KIRREL3: variants seen among roughly 807,000 people sequenced by gnomAD.
KIRREL3 encodes the protein kirre like nephrin family adhesion molecule 3, also known as kin of IRRE-like protein 3.
KIRREL3 carries 36 observed loss-of-function variants against 89.7 expected under a neutral mutation model. That is an observed-to-expected ratio of 0.40 (90% CI 0.31 to 0.53). The LOEUF is 0.53. Among genes scored for constraint, KIRREL3 ranks in the 20% least tolerant of loss-of-function variants. KIRREL3 has a pLI of 0.49. For synonymous variants in KIRREL3, 445 were observed against 441.4 expected (o/e 1.01, Z -0.10); for missense variants, 864 against 1,056.6 (o/e 0.82, Z 2.53).
chr11:126,872,400 T>C lies in KIRREL3; in HGVS notation c.55+128055A>G, dbSNP rs1288583680. 6.6e-6 allele frequency among the ~76,000 whole-genome samples: 1 copy of C among 152,190 alleles called. No individual in the cohort carries two copies. The highest frequency in any genetic ancestry group is 2.4e-5 in the African/African-American group (1 of 41,458). On this transcript the variant is annotated intron_variant, in intron 1 of 16. Coordinates refer to ENST00000525144, the MANE Select transcript of KIRREL3 (RefSeq NM_032531.4). This position sits in a 1 kb window ranked among gnomAD's most constrained non-coding sequence, Gnocchi z 4.2. ...CTATTCTGGGCATGGGCACGGGGCT[T>C]ATGGGGTAGCCCTGCTCAGCAAGGA...
rs1322977400 is a variant in KIRREL3, at chr11:126,520,273, G to T, written c.433+1042C>A. Among the ~76,000 whole-genome samples, 5 of 152,220 alleles carry T rather than the reference G, an allele frequency of 3.3e-5. No homozygotes were observed. Among genetic ancestry groups the T allele is most frequent in the African/African-American group, 9.6e-5 (4 of 41,472 alleles). On this transcript the variant is annotated intron_variant, in intron 4 of 16. Transcript: ENST00000525144. This position sits in a 1 kb window ranked among gnomAD's most constrained non-coding sequence, Gnocchi z 4.9. ...GAACCTTCACAACAGCTGCTAAGGG[G>T]TGGGCCTGGGCTTTCCCACTTCCCT...
intron 1 of KIRREL3, among the ~76,000 whole-genome samples, chr11:126,846,870 T>C (rs1180716751): frequency 6.6e-6 from 1 of 152,154 alleles, no homozygotes; most frequent in Non-Finnish European, 1.5e-5. Flanking sequence ...AAATTAGTCT[T>C]GTAAAAAAAT....
rs908741332 is a variant in KIRREL3, at chr11:126,944,933, T to C, written c.55+55522A>G. On this transcript the variant is annotated intron_variant, in intron 1 of 16. Transcript: ENST00000525144. The stretch of plus-strand genomic sequence containing the variant: ...TCCACTTGCCTTTCATTCAGGACCC[T>C]AATGAAGAGGTTTATCTGATTGGTT... 2.6e-5 allele frequency: 4 copies of C among 152,240 alleles called. 1 individual carries two copies. Among genetic ancestry groups the C allele is most frequent in the Admixed American group, 2.6e-4 (4 of 15,282 alleles). 9.4% of individuals were successfully genotyped at this position (152,240 alleles called of 1,614,324 possible).
intron 5 of KIRREL3, among the ~76,000 whole-genome samples, chr11:126,464,456 G>T (rs751635744): frequency 3.3e-5 from 5 of 152,044 alleles, no homozygotes. Context: ...ACTTGATCCC[G>T]GAAGGTTGAG....
intron 1 of KIRREL3, among the ~76,000 whole-genome samples, chr11:126,633,356 GAAAC>G (rs1204273551): frequency 1.3e-5 from 2 of 152,024 alleles, no homozygotes; most frequent in South Asian, 4.2e-4. Context: ...GAAATAAAGA[GAAAC>G]AAACAAACAA....
intron 1 of KIRREL3, among the ~76,000 whole-genome samples, chr11:126,868,330 G>A (rs571606471): frequency 2.6e-4 from 40 of 152,286 alleles, no homozygotes; most frequent in African/African-American, 7.2e-4. Context: ...GGATAAGGGC[G>A]TTAGAGGACC....
chr11:126,797,378 G>A lies in KIRREL3; in HGVS notation c.55+203077C>T, dbSNP rs1485319386. 6.6e-6 allele frequency among the ~76,000 whole-genome samples: 1 copy of A among 152,160 alleles called. No individual in the cohort carries two copies. Among genetic ancestry groups the A allele is most frequent in the Non-Finnish European group, 1.5e-5 (1 of 68,032 alleles). ...TATCTGGCACAGAGAAGCACTGGAT[G>A]CTGATAGTTTTGGTGGCGCGGCTGT... On this transcript the variant is annotated intron_variant, in intron 1 of 16. Transcript: ENST00000525144. This position sits in a 1 kb window ranked among gnomAD's most constrained non-coding sequence, Gnocchi z 4.9.
At chr11:126,980,134 T>A (rs1475946868) in intron 1 of KIRREL3, among the ~76,000 whole-genome samples, 2 of 152,194 alleles carry the variant, frequency 1.3e-5, no homozygotes, top group African/African-American at 4.8e-5. Flanking sequence ...AGCCAAGCCT[T>A]GAAATATGAA....
rs2134891473 is a variant in KIRREL3, at chr11:126,909,109, A to G, written c.55+91346T>C. ...TCTCTGAAGGTGCAGAACCCAGGCG[A>G]CACAGGGGGCCAACTGTAATTGCAA... On this transcript the variant is annotated intron_variant, in intron 1 of 16. Transcript: ENST00000525144. The surrounding 1 kb of genome is among the most constrained non-coding windows in gnomAD (Gnocchi z 4.5). 6.6e-6 allele frequency among the ~76,000 whole-genome samples: 1 copy of G among 152,220 alleles called. No individual in the cohort carries two copies. The highest frequency in any genetic ancestry group is 2.1e-4 in the South Asian group (1 of 4,812).
At position 126,739,453 on chromosome 11, in the gene KIRREL3, G is replaced by A. The variant is rs1200217620; in HGVS notation, c.56-176541C>T. On this transcript the variant is annotated intron_variant, in intron 1 of 16. Coordinates refer to ENST00000525144, the MANE Select transcript of KIRREL3 (RefSeq NM_032531.4). The surrounding 1 kb of genome is among the most constrained non-coding windows in gnomAD (Gnocchi z 5.5). ...CTGGGTAAAGCAAAACAGCTCTTGAGTAGTATTTGCTCTGTCAGTCAGTGT... is the reference window on the plus strand; with the variant it reads ...CTGGGTAAAGCAAAACAGCTCTTGAATAGTATTTGCTCTGTCAGTCAGTGT... Among the ~76,000 whole-genome samples the A allele has an allele frequency of 1.3e-5, 2 of 152,350 alleles. No homozygotes were observed. The highest frequency in any genetic ancestry group is 2.1e-4 in the South Asian group (1 of 4,824).
chr11:126,436,436 G>A (rs796743502), intron 12 of KIRREL3, among the ~76,000 whole-genome samples: 2 of 152,256 alleles, frequency 1.3e-5, no homozygotes, highest in South Asian at 4.1e-4. Context: ...ACACTTTGGT[G>A]TCAGACCAGG....
chr11:126,937,338 G>A (rs6590236), intron 1 of KIRREL3, among the ~76,000 whole-genome samples: 68,920 of 152,046 alleles, frequency 0.45, 16,306 homozygotes, highest in East Asian at 0.69. Flanking sequence ...GGCTTGGATA[G>A]GGATAATAAC....
At chr11:126,559,370 A>G (rs1939941264) in intron 2 of KIRREL3, among the ~76,000 whole-genome samples, 1 of 152,210 alleles carries the variant, frequency 6.6e-6, no homozygotes, top group African/African-American at 2.4e-5. Flanking sequence ...ACTACTCCCT[A>G]TGTGCAAGAC....
chr11:126,424,359 CTCTG>C lies in KIRREL3; in HGVS notation c.*217_*220del, dbSNP rs1954843944. ...TAAGCACAGCGCACTCAGCCGCAGCCTCTGTCTGTCTCCCCACCCGCCCACCTCT... is the reference window on the plus strand; with the variant it reads ...TAAGCACAGCGCACTCAGCCGCAGCCTCTGTCTCCCCACCCGCCCACCTCT... On this transcript the variant is annotated 3_prime_UTR_variant, in exon 17 of 17. Coordinates refer to ENST00000525144, the MANE Select transcript of KIRREL3 (RefSeq NM_032531.4). 2 of 566,432 alleles carry C rather than the reference CTCTG, an allele frequency of 3.5e-6. No individual in the cohort carries two copies. The highest frequency in any genetic ancestry group is 4.0e-5 in the South Asian group (2 of 49,662). 35.1% of individuals were successfully genotyped at this position (566,432 alleles called of 1,614,324 possible).
At chr11:126,626,488 C>T (rs1005558090) in intron 1 of KIRREL3, among the ~76,000 whole-genome samples, 1 of 152,206 alleles carries the variant, frequency 6.6e-6, no homozygotes, top group Non-Finnish European at 1.5e-5. Context: ...GTCTGGAGGG[C>T]TCCATTGTGC....
intron 1 of KIRREL3, among the ~76,000 whole-genome samples, chr11:126,660,593 A>G (rs967274527): frequency 6.8e-6 from 1 of 148,146 alleles, no homozygotes; most frequent in Non-Finnish European, 1.5e-5. Flanking sequence ...TGAGAGAGCC[A>G]AGTAAATGGC....
chr11:126,442,998 G>A (rs141930445), intron 10 of KIRREL3, among the ~76,000 whole-genome samples: 3 of 152,290 alleles, frequency 2.0e-5, no homozygotes, highest in East Asian at 1.9e-4. Context: ...TGCCCTCCCC[G>A]TCCAAGAGAA....
At chr11:126,967,435 C>T (rs1034305774) in intron 1 of KIRREL3, among the ~76,000 whole-genome samples, 1 of 152,160 alleles carries the variant, frequency 6.6e-6, no homozygotes, top group African/African-American at 2.4e-5. Flanking sequence ...GGCCTCCAAA[C>T]TGCAGCCTTT....
intron 1 of KIRREL3, among the ~76,000 whole-genome samples, chr11:126,882,184 A>T (rs901239355): frequency 5.9e-5 from 9 of 152,196 alleles, no homozygotes; most frequent in African/African-American, 2.2e-4. Context: ...TCACTGAAGG[A>T]TCCTTTCAAA....
Sources: allele counts gnomAD v4.1 joint callset (sites outside exome capture counted in the v4.1 genomes callset), GRCh38; gene constraint gnomAD v4.1.1; non-coding constraint Gnocchi (gnomAD v3.1); transcripts MANE v1.5; gene names NCBI Gene and HGNC (gene_info 2026-07-23, HGNC 2026-07-21).